Variants in RAE1 observed in about 807,000 individuals in gnomAD.
RAE1 encodes the protein ribonucleic acid export 1.
A neutral mutation model predicts 52.7 loss-of-function variants in RAE1; 13 were observed. The ratio of observed to expected loss-of-function variants is 0.25; its 90% CI spans 0.16 to 0.39. RAE1 has a LOEUF of 0.39. Ranked by LOEUF, RAE1 falls within the 10% of genes least tolerant of loss-of-function variation. The probability of loss-of-function intolerance (pLI) is 1.00; values close to 1 mark genes in which losing one functional copy is unlikely to be tolerated. For synonymous variants in RAE1, 164 were observed against 153.1 expected (o/e 1.07, Z -0.52); for missense variants, 262 against 459.8 (o/e 0.57, Z 3.93).
Position 57,366,709 on chromosome 20 carries a change from A to G in RAE1, c.376-98A>G, listed in dbSNP as rs1367834039. On this transcript the variant is annotated intron_variant, in intron 5 of 11. Coordinates refer to ENST00000395841, the MANE Select transcript of RAE1 (RefSeq NM_003610.4). Reference sequence around the variant, plus strand: ...GGTTTTTGTTTGGTATGGCCCCAGTATTTAAATTAGTTTCTTCCCTTTGAA... The same window carrying G: ...GGTTTTTGTTTGGTATGGCCCCAGTGTTTAAATTAGTTTCTTCCCTTTGAA... The G allele has an allele frequency of 5.1e-6, 6 of 1,173,198 alleles. No homozygotes were observed. In the East Asian group the frequency reaches 1.5e-4, roughly 30 times the overall value. The allele number at this position is 1,173,198 out of a possible 1,614,324, so 72.7% of individuals were successfully genotyped here.
chr20:57,369,778 G>A (rs753733223), intron 8 of RAE1, among the ~76,000 whole-genome samples: 4 of 152,118 alleles, frequency 2.6e-5, no homozygotes, highest in Non-Finnish European at 5.9e-5. Flanking sequence ...CCTTCCTTTA[G>A]TCTTTGTCTC....
At position 57,367,388 on chromosome 20, in the gene RAE1, T is replaced by C. The variant is rs146972596; in HGVS notation, c.534+309T>C. 2.6e-3 allele frequency among the ~76,000 whole-genome samples: 399 copies of C among 152,302 alleles called. 4 individuals carry two copies. Among genetic ancestry groups the C allele is most frequent in the African/African-American group, 9.2e-3 (382 of 41,566 alleles). On this transcript the variant is annotated intron_variant, in intron 7 of 11. Transcript: ENST00000395841. ...GTCCTTTCCATGGCAGTAGGAAAAC[T>C]TGCAGTAAGTTTGTGAGGTGGTACC...
In RAE1 at chr20:57,362,134, C is replaced by T. The variant is rs532059244; in HGVS notation, c.289-3222C>T. Among the ~76,000 whole-genome samples the T allele has an allele frequency of 3.3e-5, 5 of 152,320 alleles. No individual in the cohort carries two copies. The South Asian group carries it at 6.2e-4, about 19-fold the overall frequency. On this transcript the variant is annotated intron_variant, in intron 4 of 11. Coordinates refer to ENST00000395841, the MANE Select transcript of RAE1 (RefSeq NM_003610.4). The stretch of plus-strand genomic sequence containing the variant: ...CACCCCAGTCTGGAAAAATTGTCTT[C>T]CATGAAACTGGTCCCTGGTGCCACA...
intron 4 of RAE1, among the ~76,000 whole-genome samples, chr20:57,361,567 TATTG>T (rs956263394): frequency 6.6e-6 from 1 of 152,180 alleles, no homozygotes; most frequent in African/African-American, 2.4e-5. Context: ...CGTGAGCATC[TATTG>T]ATTAATTGTT....
intron 4 of RAE1, chr20:57,358,900 G>T (rs1417688598): frequency 4.7e-6 from 6 of 1,282,846 alleles, no homozygotes; most frequent in East Asian, 2.9e-5. Flanking sequence ...GGGCCTGTAG[G>T]CTTGTTGGAG....
Position 57,376,674 on chromosome 20 carries a change from G to T in RAE1, c.1021-1339G>T, listed in dbSNP as rs138357198. Among the ~76,000 whole-genome samples the T allele has an allele frequency of 1.8e-4, 28 of 152,282 alleles. No homozygotes were observed. The East Asian group carries it at 3.5e-3, about 19-fold the overall frequency. On this transcript the variant is annotated intron_variant, in intron 11 of 11. Coordinates refer to ENST00000395841, the MANE Select transcript of RAE1 (RefSeq NM_003610.4). Reference sequence around the variant, plus strand: ...TTTTGTGACAAGAGTGTACTTTTTTGGTTCTGCCTGGCTGGGGGTGGACAG... The same window carrying T: ...TTTTGTGACAAGAGTGTACTTTTTTTGTTCTGCCTGGCTGGGGGTGGACAG...
intron 4 of RAE1, among the ~76,000 whole-genome samples, chr20:57,360,853 T>C (rs1239961056): frequency 6.6e-6 from 1 of 152,206 alleles, no homozygotes; most frequent in African/African-American, 2.4e-5. Flanking sequence ...GCAAAGTGTT[T>C]TGAGCTGCAT....
Position 57,374,790 on chromosome 20 carries a change from G to T in RAE1, c.1009G>T (p.Asp337Tyr). 6.2e-7 allele frequency: 1 copy of T among 1,614,164 alleles called. No individual in the cohort carries two copies. The highest frequency in any genetic ancestry group is 1.1e-5 in the South Asian group (1 of 91,072). The change falls in exon 11 of 12, where the codon GAC (aspartate) becomes TAC (tyrosine). Residue 337 changes from aspartate to tyrosine, a missense_variant. By Grantham distance (160) the Asp-to-Tyr change is radical. Transcript: ENST00000395841. ...CATATTTGCATACGCTTCCAGCTAC[G>T]ACTGGTCAAAGGTGAGAACTCCCGG... Reference protein sequence around the residue: ...GNIFAYASSYDWSKGHEFYNP... With the variant: ...GNIFAYASSYYWSKGHEFYNP...
At chr20:57,374,487 C>T (rs1410285304) in intron 10 of RAE1, 120 bp from the exon 11 acceptor site, 7 of 915,950 alleles carry the variant, frequency 7.6e-6, no homozygotes, top group Non-Finnish European at 1.2e-5. Context: ...CAGCGGGCAG[C>T]AGCTGGAAGG....
At chr20:57,362,911 GCT>G (rs2066908924) in intron 4 of RAE1, among the ~76,000 whole-genome samples, 1 of 152,038 alleles carries the variant, frequency 6.6e-6, no homozygotes, top group South Asian at 2.1e-4. Flanking sequence ...CTCCCAAGTA[GCT>G]GGGGTTACAG....
At chr20:57,373,782 C>T in intron 10 of RAE1, 44 bp downstream of exon 10, 3 of 1,572,490 alleles carry the variant, frequency 1.9e-6, no homozygotes, top group Non-Finnish European at 2.6e-6. Flanking sequence ...ATCTGGAAAC[C>T]AGACTTGGAG....
At chr20:57,365,550 ACT>A (rs1375435371) in intron 5 of RAE1, 108 bp downstream of exon 5, 6 of 748,894 alleles carry the variant, frequency 8.0e-6, no homozygotes, top group African/African-American at 5.5e-5. Context: ...GTGCAGTTAG[ACT>A]CTGTCAAATC....
At chr20:57,377,881 TTTG>T in intron 11 of RAE1, 129 bp from the exon 12 acceptor site, 2 of 657,158 alleles carry the variant, frequency 3.0e-6, no homozygotes, top group Non-Finnish European at 5.0e-6. Context: ...TGACTTTATC[TTTG>T]TTGTTTTATT....
chr20:57,363,768 T>C (rs972186890), intron 4 of RAE1, among the ~76,000 whole-genome samples: 2 of 152,258 alleles, frequency 1.3e-5, no homozygotes, highest in Admixed American at 1.3e-4. Flanking sequence ...AGGCACCTAT[T>C]GTATGCTAAA....
chr20:57,376,298 G>A (rs1369384627), intron 11 of RAE1, among the ~76,000 whole-genome samples: 1 of 152,176 alleles, frequency 6.6e-6, no homozygotes, highest in African/African-American at 2.4e-5. Context: ...TGTTTAAAGT[G>A]TACAATTTGA....
At chr20:57,374,867 C>T in intron 11 of RAE1, 66 bp downstream of exon 11, 1 of 1,573,204 alleles carries the variant, frequency 6.4e-7, no homozygotes, top group Non-Finnish European at 8.7e-7. Flanking sequence ...GTTCAGAAGG[C>T]CTAGGCCTGA....
At chr20:57,361,355 G>C (rs1264094195) in intron 4 of RAE1, among the ~76,000 whole-genome samples, 4 of 152,134 alleles carry the variant, frequency 2.6e-5, no homozygotes, top group Non-Finnish European at 5.9e-5. Flanking sequence ...AGATTTTTTA[G>C]AAAATTACAT....
chr20:57,362,668 G>A (rs150160495), intron 4 of RAE1, among the ~76,000 whole-genome samples: 47 of 152,310 alleles, frequency 3.1e-4, no homozygotes, highest in Middle Eastern at 3.4e-3. Context: ...AGAGTTGTAC[G>A]TTCTGACGGG....
At chr20:57,354,954 T>C (rs1251688180) in intron 3 of RAE1, 138 bp downstream of exon 3, 4 of 584,824 alleles carry the variant, frequency 6.8e-6, no homozygotes, top group Non-Finnish European at 1.1e-5. Context: ...ATTTAGGGGG[T>C]GTGAACCCTT....
Sources: gnomAD v4.1 joint callset for allele counts (sites outside exome capture counted in the v4.1 genomes callset) on GRCh38, gnomAD v4.1.1 for gene constraint, MANE v1.5 for transcripts, NCBI Gene and HGNC (gene_info 2026-07-23, HGNC 2026-07-21) for gene names.